USP37: variants seen among roughly 807,000 people sequenced by gnomAD.
The protein encoded by USP37 is ubiquitin specific peptidase 37.
A neutral mutation model predicts 124.0 loss-of-function variants in USP37; 27 were observed. That is an observed-to-expected ratio of 0.22 (90% CI 0.16 to 0.30). The LOEUF is 0.30. USP37 is among the 10% of genes least tolerant of loss of function. USP37 has a pLI of 1.00. For missense variants in USP37, 889 were observed against 1,140.4 expected, an observed-to-expected ratio of 0.78 and a Z score of 3.17; for synonymous variants, 365 against 388.0, an observed-to-expected ratio of 0.94 and a Z score of 0.70.
intron 4 of USP37, among the ~76,000 whole-genome samples, chr2:218,556,503 GT>G (rs34907421): frequency 0.11 from 5,895 of 53,874 alleles, 548 homozygotes; most frequent in African/African-American, 0.33. Context: ...GGGTTTTTCT[GT>G]TTTTTTTTTT....
intron 18 of USP37, 137 bp from the exon 19 acceptor site, chr2:218,477,118 A>G: frequency 9.8e-7 from 1 of 1,023,214 alleles, no homozygotes; most frequent in Non-Finnish European, 1.3e-6. Context: ...CAAAAGAGGT[A>G]TATTTCAGCA....
At chr2:218,521,594 G>C (rs1195825672) in intron 10 of USP37, among the ~76,000 whole-genome samples, 1 of 152,080 alleles carries the variant, frequency 6.6e-6, no homozygotes, top group Non-Finnish European at 1.5e-5. Flanking sequence ...TGCAGTGTTT[G>C]GTTTTCTGTT....
intron 1 of USP37, among the ~76,000 whole-genome samples, chr2:218,566,489 GA>G (rs1693600884): frequency 6.6e-6 from 1 of 152,190 alleles, no homozygotes; most frequent in Admixed American, 6.5e-5. Flanking sequence ...ACTGAATGAG[GA>G]AGTCATATAT....
At position 218,568,339 on chromosome 2, in the gene USP37, A is replaced by C. The variant is rs1243460305; in HGVS notation, c.-391T>G. The C allele has an allele frequency of 6.5e-6, 1 of 152,792 alleles. No individual in the cohort carries two copies. Among genetic ancestry groups the C allele is most frequent in the Non-Finnish European group, 1.5e-5 (1 of 68,264 alleles). 9.5% of individuals were successfully genotyped at this position (152,792 alleles called of 1,614,324 possible). On this transcript the variant is annotated 5_prime_UTR_variant, in exon 1 of 26. Coordinates refer to ENST00000258399, the MANE Select transcript of USP37 (RefSeq NM_020935.3). ...AGAGCGGCTGATGGCGGGAACTGTG[A>C]CCACACGCAAACACGCACGCACGCA...
chr2:218,472,158 G>A (rs976252649), intron 20 of USP37, among the ~76,000 whole-genome samples: 1 of 152,014 alleles, frequency 6.6e-6, no homozygotes, highest in African/African-American at 2.4e-5. Context: ...TTCTTACGTA[G>A]CAGCTTAGGG....
At chr2:218,500,513 T>C (rs1325341167) in intron 11 of USP37, among the ~76,000 whole-genome samples, 3 of 151,972 alleles carry the variant, frequency 2.0e-5, no homozygotes, top group East Asian at 1.9e-4. Flanking sequence ...TCCCAAAGTG[T>C]TGGGATTACA....
chr2:218,528,686 G>A, intron 10 of USP37: 1 of 426,746 alleles, frequency 2.3e-6, no homozygotes, highest in Admixed American at 4.2e-5. Flanking sequence ...ATGGGCATTT[G>A]CCATTACCCT....
At chr2:218,465,487 C>G (rs1690262983) in intron 21 of USP37, among the ~76,000 whole-genome samples, 1 of 151,810 alleles carries the variant, frequency 6.6e-6, no homozygotes, top group Non-Finnish European at 1.5e-5. Context: ...CTATAATACC[C>G]CATCCTGTTT....
chr2:218,565,354 AT>A (rs1164887606), intron 1 of USP37, among the ~76,000 whole-genome samples: 2 of 152,206 alleles, frequency 1.3e-5, no homozygotes, highest in East Asian at 3.8e-4. Context: ...CACTACTCTG[AT>A]TTTTGAAGGC....
chr2:218,568,286 G>A lies in USP37; in HGVS notation c.-338C>T, dbSNP rs1693776253. On this transcript the variant is annotated 5_prime_UTR_variant, in exon 1 of 26. Transcript: ENST00000258399. ...AGTAGGGATACCGAACCCAAAGGAG[G>A]GAGGCCGCTAGCTACCCCTAGTCAG... 2 of 152,630 alleles carry A rather than the reference G, an allele frequency of 1.3e-5. No individual in the cohort carries two copies. The highest frequency in any genetic ancestry group is 2.9e-5 in the Non-Finnish European group (2 of 68,212). 9.5% of individuals were successfully genotyped at this position (152,630 alleles called of 1,614,324 possible).
intron 9 of USP37, among the ~76,000 whole-genome samples, chr2:218,530,886 T>A (rs1384983288): frequency 6.6e-6 from 1 of 151,964 alleles, no homozygotes; most frequent in Non-Finnish European, 1.5e-5. Flanking sequence ...TAATCCAGGG[T>A]AAAGGTCTAG....
At chr2:218,544,424 T>TAGAGAGAGAGAGAGAGAG (rs763870747) in intron 8 of USP37, among the ~76,000 whole-genome samples, 3 of 57,200 alleles carry the variant, frequency 5.2e-5, no homozygotes, top group Admixed American at 2.2e-4. Context: ...TATATATATA[T>TAGAGAGAGAGAGAGAGAG]ATATATAGAG....
chr2:218,528,677 T>C (rs1259502437), intron 10 of USP37: 2 of 428,338 alleles, frequency 4.7e-6, no homozygotes, highest in Non-Finnish European at 4.2e-6. Context: ...CTATCATTGA[T>C]GGGCATTTGC....
Position 218,495,783 on chromosome 2 carries a change from A to G in USP37, c.1449T>C (p.Val483=), listed in dbSNP as rs1689050275. The part of the protein sequence containing the change: ...CPVITNLEFE[V]QHSIICKACG... ...ACGCTTTACAAATGATGGAGTGCTG[A>G]ACCTCAAACTCCAAATTAGTAATAA... Residue 483 remains valine (V), a synonymous_variant, in exon 14 of 26, where the codon GTT becomes GTC. Coordinates refer to ENST00000258399, the MANE Select transcript of USP37 (RefSeq NM_020935.3). The G allele has an allele frequency of 1.9e-6, 3 of 1,612,470 alleles. No homozygotes were observed. Among genetic ancestry groups the G allele is most frequent in the Non-Finnish European group, 2.5e-6 (3 of 1,179,746 alleles).
At chr2:218,477,467 GA>G (rs1263959915) in intron 18 of USP37, among the ~76,000 whole-genome samples, 3 of 152,128 alleles carry the variant, frequency 2.0e-5, no homozygotes, top group Non-Finnish European at 4.4e-5. Context: ...TCCAAAGTAA[GA>G]AAAAAGGCTT....
intron 10 of USP37, among the ~76,000 whole-genome samples, chr2:218,522,263 A>C (rs547501339): frequency 6.6e-6 from 1 of 152,164 alleles, no homozygotes; most frequent in African/African-American, 2.4e-5. Flanking sequence ...AAGCTTACTT[A>C]TAAGAAATAG....
intron 10 of USP37, among the ~76,000 whole-genome samples, chr2:218,516,815 G>A (rs1056050093): frequency 2.6e-5 from 4 of 152,250 alleles, no homozygotes; most frequent in Non-Finnish European, 5.9e-5. Flanking sequence ...ATGTATGTAC[G>A]TGTGTAACCC....
intron 11 of USP37, among the ~76,000 whole-genome samples, chr2:218,500,222 G>A (rs563879656): frequency 1.3e-5 from 2 of 152,088 alleles, no homozygotes; most frequent in African/African-American, 4.8e-5. Flanking sequence ...TGACAGGCGT[G>A]TGCCACCACA....
intron 20 of USP37, among the ~76,000 whole-genome samples, chr2:218,470,647 T>C (rs1690631207): frequency 6.6e-6 from 1 of 152,244 alleles, no homozygotes; most frequent in South Asian, 2.1e-4. Context: ...GCTCCAGTCA[T>C]GCCGATCATT....
Sources: gnomAD v4.1 joint callset for allele counts (sites outside exome capture counted in the v4.1 genomes callset) on GRCh38, gnomAD v4.1.1 for gene constraint, MANE v1.5 for transcripts, NCBI Gene and HGNC (gene_info 2026-07-23, HGNC 2026-07-21) for gene names.